KLHL3: variants seen among roughly 807,000 people sequenced by gnomAD.
KLHL3 encodes kelch-like protein 3.
Under a neutral mutation model 70.5 loss-of-function variants are expected in KLHL3, and 19 were observed. The observed-to-expected ratio is 0.27, with a 90% CI of 0.19 to 0.40. The LOEUF is 0.40. Among genes scored for constraint, KLHL3 ranks in the 10% least tolerant of loss-of-function variants. The pLI, the probability that KLHL3 is intolerant of heterozygous loss-of-function variation, is 1.00. For missense variants in KLHL3, 512 were observed against 771.1 expected, an observed-to-expected ratio of 0.66 and a Z score of 3.98; for synonymous variants, 258 against 290.3, an observed-to-expected ratio of 0.89 and a Z score of 1.13.
At chr5:137,646,736 A>G (rs1263366314) in intron 8 of KLHL3, among the ~76,000 whole-genome samples, 3 of 152,182 alleles carry the variant, frequency 2.0e-5, no homozygotes, top group Non-Finnish European at 4.4e-5. Flanking sequence ...AAACCCCAAT[A>G]TACTTAAGAT....
At chr5:137,716,715 T>C (rs1752899668) in intron 2 of KLHL3, among the ~76,000 whole-genome samples, 1 of 152,192 alleles carries the variant, frequency 6.6e-6, no homozygotes, top group Admixed American at 6.5e-5. Flanking sequence ...ATGAAACCCC[T>C]TACTGCGCAA....
At chr5:137,655,923 G>T (rs1751329252) in intron 8 of KLHL3, among the ~76,000 whole-genome samples, 1 of 150,640 alleles carries the variant, frequency 6.6e-6, no homozygotes, top group Admixed American at 6.6e-5. Flanking sequence ...CTTGGAAGAT[G>T]GAAGCTGAAG....
intron 4 of KLHL3, among the ~76,000 whole-genome samples, chr5:137,694,007 G>A (rs1333544043): frequency 1.3e-5 from 2 of 151,968 alleles, no homozygotes; most frequent in Admixed American, 6.5e-5. Context: ...CCTCCACTGG[G>A]TTTACCAACA....
chr5:137,638,834 T>G, intron 10 of KLHL3, 119 bp downstream of exon 10: 1 of 925,098 alleles, frequency 1.1e-6, no homozygotes, highest in South Asian at 1.6e-5. Context: ...AGTGGATATG[T>G]CCCTGGGGCA....
intron 6 of KLHL3, 46 bp downstream of exon 6, chr5:137,677,499 C>A (rs1290215709): frequency 1.8e-6 from 2 of 1,109,660 alleles, no homozygotes; most frequent in East Asian, 2.4e-5. Flanking sequence ...TTCCCATGAC[C>A]ACCTGACGAG....
In KLHL3 at chr5:137,620,840, G is replaced by T. The variant is rs567347211; in HGVS notation, c.*1258C>A. On this transcript the variant is annotated 3_prime_UTR_variant, in exon 15 of 15. Transcript: ENST00000309755. Reference sequence around the variant, plus strand: ...GAAAGCAGTAGTGGGGTTCTTGGGGGTTGGGGAGAGGGTGCACACCCTGGA... The same window carrying T: ...GAAAGCAGTAGTGGGGTTCTTGGGGTTTGGGGAGAGGGTGCACACCCTGGA... The T allele has an allele frequency of 6.6e-6, 1 of 152,358 alleles. No homozygotes were observed. The highest frequency in any genetic ancestry group is 2.4e-5 in the African/African-American group (1 of 41,562). The allele number at this position is 152,358 out of a possible 1,614,324, so 9.4% of individuals were successfully genotyped here.
chr5:137,669,164 G>A (rs1751688535), intron 6 of KLHL3, among the ~76,000 whole-genome samples: 1 of 152,106 alleles, frequency 6.6e-6, no homozygotes. Flanking sequence ...ACAGCAATTA[G>A]AACCACTGAT....
rs1333100626 is a variant in KLHL3 at position 137,639,291 on chromosome 5, T to A, written c.1022-141A>T. 2 of 707,054 alleles carry A rather than the reference T, an allele frequency of 2.8e-6. No individual in the cohort carries two copies. Among genetic ancestry groups the A allele is most frequent in the African/African-American group, 3.6e-5 (2 of 56,040 alleles). 43.8% of individuals were successfully genotyped at this position (707,054 alleles called of 1,614,324 possible). On this transcript the variant is annotated intron_variant, in intron 9 of 14. Coordinates refer to ENST00000309755, the MANE Select transcript of KLHL3 (RefSeq NM_017415.3). The surrounding 1 kb of genome is among the most constrained non-coding windows in gnomAD (Gnocchi z 5.0). The stretch of plus-strand genomic sequence containing the variant: ...TAGGTATTTGGCAGTCATTATGGGA[T>A]TCACTGGATTTCTTTCCTACTTGCT...
At chr5:137,701,583 A>G (rs1413003795) in intron 3 of KLHL3, among the ~76,000 whole-genome samples, 1 of 152,170 alleles carries the variant, frequency 6.6e-6, no homozygotes, top group Non-Finnish European at 1.5e-5. Context: ...TCAACACGTA[A>G]CAAAGTGCTT....
intron 3 of KLHL3, among the ~76,000 whole-genome samples, chr5:137,698,823 G>T (rs2967804): frequency 3.9e-5 from 6 of 152,266 alleles, no homozygotes; most frequent in Non-Finnish European, 7.4e-5. Context: ...GAGCTTAGTA[G>T]ACAGTTATAC....
At chr5:137,716,104 T>C (rs1050999346) in intron 2 of KLHL3, among the ~76,000 whole-genome samples, 1 of 152,212 alleles carries the variant, frequency 6.6e-6, no homozygotes, top group African/African-American at 2.4e-5. Flanking sequence ...GGGAACTGTC[T>C]TTAAAAAATA....
chr5:137,667,147 A>G (rs912044174), intron 6 of KLHL3, among the ~76,000 whole-genome samples: 1 of 152,184 alleles, frequency 6.6e-6, no homozygotes, highest in Non-Finnish European at 1.5e-5. Flanking sequence ...AGCCACACTC[A>G]TCGTTTACAT....
chr5:137,630,058 G>A (rs1750596207), intron 12 of KLHL3: 1 of 152,118 alleles, frequency 6.6e-6, no homozygotes, highest in Admixed American at 6.5e-5. Flanking sequence ...CAAAGGCCAG[G>A]GCCTTTGGTC....
Position 137,669,337 on chromosome 5 carries a change from T to C in KLHL3, c.637-7306A>G, listed in dbSNP as rs952431436. 3.3e-5 allele frequency among the ~76,000 whole-genome samples: 5 copies of C among 152,124 alleles called. 1 individual carries two copies. Among genetic ancestry groups the C allele is most frequent in the African/African-American group, 1.2e-4 (5 of 41,430 alleles). On this transcript the variant is annotated intron_variant, in intron 6 of 14. Transcript: ENST00000309755. Reference sequence around the variant, plus strand: ...GTTTTGATCTGTTTGCCAATGTCTCTCCTGTGACTAATACGCTACCTGCCA... The same window carrying C: ...GTTTTGATCTGTTTGCCAATGTCTCCCCTGTGACTAATACGCTACCTGCCA...
intron 6 of KLHL3, among the ~76,000 whole-genome samples, chr5:137,665,569 T>C (rs1751593335): frequency 6.6e-6 from 1 of 152,222 alleles, no homozygotes. Flanking sequence ...ATGTTCATTC[T>C]TTCAAACCTA....
At chr5:137,635,646 A>C (rs1750748430) in intron 11 of KLHL3, among the ~76,000 whole-genome samples, 1 of 152,096 alleles carries the variant, frequency 6.6e-6, no homozygotes, top group South Asian at 2.1e-4. Flanking sequence ...ACAGTGAAGA[A>C]GACAGAGTCC....
chr5:137,705,031 T>C (rs1488964692), intron 3 of KLHL3, among the ~76,000 whole-genome samples: 1 of 152,202 alleles, frequency 6.6e-6, no homozygotes, highest in Admixed American at 6.5e-5. Flanking sequence ...CTATTCTACC[T>C]AATCCCTGAC....
intron 7 of KLHL3, chr5:137,660,650 A>C (rs564271352): frequency 6.6e-6 from 1 of 152,218 alleles, no homozygotes; most frequent in African/African-American, 2.4e-5. Flanking sequence ...TCTGCAATCT[A>C]CAAGTGTTAC....
At chr5:137,649,292 T>G (rs1416348447) in intron 8 of KLHL3, among the ~76,000 whole-genome samples, 2 of 152,238 alleles carry the variant, frequency 1.3e-5, no homozygotes, top group East Asian at 1.9e-4. Context: ...ACATGGATTT[T>G]GACATTAGGT....
Sources: allele counts gnomAD v4.1 joint callset (sites outside exome capture counted in the v4.1 genomes callset), GRCh38; gene constraint gnomAD v4.1.1; non-coding constraint Gnocchi (gnomAD v3.1); transcripts MANE v1.5; gene names NCBI Gene and HGNC (gene_info 2026-07-23, HGNC 2026-07-21).